The following WWOX variants were observed in gnomAD, a reference collection of about 807,000 sequenced individuals.
The protein encoded by WWOX is WW domain containing oxidoreductase.
Under a neutral mutation model 46.2 loss-of-function variants are expected in WWOX, and 69 were observed. The ratio of observed to expected loss-of-function variants is 1.49; its 90% CI spans 1.23 to 1.82. The LOEUF (loss-of-function observed/expected upper bound fraction) is 1.82, where lower values mean the gene tolerates loss of function less well. WWOX is among the 40% of genes most tolerant of loss of function. WWOX has a pLI of 0.00. For synonymous variants in WWOX, 359 were observed against 202.6 expected, an observed-to-expected ratio of 1.77 and a Z score of -6.56; for missense variants, 919 against 542.6, an observed-to-expected ratio of 1.69 and a Z score of -6.89.
chr16:78,825,711 A>G (rs1405864165), intron 8 of WWOX: 3 of 558,858 alleles, frequency 5.4e-6, no homozygotes, highest in Non-Finnish European at 6.9e-6. Flanking sequence ...CTGAGGACAG[A>G]GGGTCAAATC....
At chr16:78,189,979 G>A (rs2035832872) in intron 5 of WWOX, among the ~76,000 whole-genome samples, 1 of 152,030 alleles carries the variant, frequency 6.6e-6, no homozygotes, top group Non-Finnish European at 1.5e-5. Context: ...TTTTCCTCAA[G>A]AACTCACTTC....
In WWOX at chr16:78,459,472, A is replaced by G. The variant is rs899644338; in HGVS notation, c.1056+26720A>G. On this transcript the variant is annotated intron_variant, in intron 8 of 8. Coordinates refer to ENST00000566780, the MANE Select transcript of WWOX (RefSeq NM_016373.4). ...TATCCGTTTTCTTCCTTTTCTAACT[A>G]TCAAGGTCATGCGGTATCTGCCATT... Among the ~76,000 whole-genome samples, 9 of 152,246 alleles carry G rather than the reference A, an allele frequency of 5.9e-5. No individual in the cohort carries two copies. In the South Asian group the frequency reaches 1.4e-3, roughly 25 times the overall value.
chr16:79,021,123 G>C (rs997127958), intron 8 of WWOX, among the ~76,000 whole-genome samples: 3 of 152,106 alleles, frequency 2.0e-5, no homozygotes, highest in African/African-American at 4.8e-5. Flanking sequence ...GCCAGTACAA[G>C]GCCATTATAT....
intron 8 of WWOX, among the ~76,000 whole-genome samples, chr16:78,736,346 G>A (rs2049091617): frequency 6.6e-6 from 1 of 152,134 alleles, no homozygotes. Context: ...AAGGATGCCA[G>A]CAAAGTGAAA....
At chr16:78,738,199 A>T (rs2049134072) in intron 8 of WWOX, among the ~76,000 whole-genome samples, 1 of 152,190 alleles carries the variant, frequency 6.6e-6, no homozygotes, top group Admixed American at 6.5e-5. Flanking sequence ...TGTTACTGAG[A>T]GGAGACTGCA....
At chr16:78,549,166 C>T (rs1025869169) in intron 8 of WWOX, among the ~76,000 whole-genome samples, 14 of 152,066 alleles carry the variant, frequency 9.2e-5, no homozygotes, top group South Asian at 2.1e-4. Context: ...GAGAGATTGC[C>T]GGTCGTAAAG....
At chr16:78,628,213 G>A (rs544829163) in intron 8 of WWOX, among the ~76,000 whole-genome samples, 2 of 152,280 alleles carry the variant, frequency 1.3e-5, no homozygotes, top group Admixed American at 1.3e-4. Flanking sequence ...ATGCTACCTT[G>A]AGTGGACGGT....
intron 8 of WWOX, among the ~76,000 whole-genome samples, chr16:78,842,145 G>A (rs2052168777): frequency 6.6e-6 from 1 of 152,078 alleles, no homozygotes; most frequent in Non-Finnish European, 1.5e-5. Context: ...AGTAATCCAG[G>A]AGGAGTTCAT....
intron 8 of WWOX, among the ~76,000 whole-genome samples, chr16:78,955,082 G>C (rs554572554): frequency 6.6e-6 from 1 of 152,134 alleles, no homozygotes; most frequent in Non-Finnish European, 1.5e-5. Context: ...TTCCTGATCA[G>C]GAAACTCCGC....
intron 8 of WWOX, among the ~76,000 whole-genome samples, chr16:79,129,055 T>C (rs1483087040): frequency 2.6e-5 from 4 of 152,184 alleles, no homozygotes; most frequent in African/African-American, 9.7e-5. Flanking sequence ...CAGAACTCTG[T>C]TTCTTCTTTT....
At chr16:78,360,611 AGC>A (rs1182038303) in intron 5 of WWOX, among the ~76,000 whole-genome samples, 56 of 78,176 alleles carry the variant, frequency 7.2e-4, no homozygotes, top group African/African-American at 1.1e-3. Context: ...TTGCAGAAAT[AGC>A]AATATTTCAC....
At chr16:79,198,778 T>TA (rs2150824800) in intron 8 of WWOX, among the ~76,000 whole-genome samples, 1 of 152,360 alleles carries the variant, frequency 6.6e-6, no homozygotes, top group East Asian at 1.9e-4. Context: ...ATAAATATTG[T>TA]AAATAGTACC....
chr16:78,991,687 C>T (rs1444175385), intron 8 of WWOX, among the ~76,000 whole-genome samples: 1 of 151,838 alleles, frequency 6.6e-6, no homozygotes, highest in African/African-American at 2.4e-5. Context: ...ACCTCAGTTT[C>T]CTTTCCTATA....
chr16:78,328,682 C>G (rs1016143009), intron 5 of WWOX, among the ~76,000 whole-genome samples: 1 of 152,118 alleles, frequency 6.6e-6, no homozygotes, highest in Middle Eastern at 3.2e-3. Context: ...CTTGATAATG[C>G]TGATGTGACT....
chr16:78,627,014 G>C (rs376949625), intron 8 of WWOX, among the ~76,000 whole-genome samples: 13 of 151,860 alleles, frequency 8.6e-5, no homozygotes, highest in African/African-American at 2.9e-4. Flanking sequence ...CTTCTTTTTT[G>C]CTTTTTGTGC....
intron 8 of WWOX, among the ~76,000 whole-genome samples, chr16:78,482,501 G>A (rs1225664150): frequency 1.3e-5 from 2 of 152,158 alleles, no homozygotes; most frequent in Admixed American, 6.5e-5. Context: ...GGGATGACAG[G>A]CGTGAGCTGC....
intron 8 of WWOX, among the ~76,000 whole-genome samples, chr16:78,675,503 C>G (rs546634436): frequency 6.6e-6 from 1 of 152,096 alleles, no homozygotes; most frequent in Non-Finnish European, 1.5e-5. Flanking sequence ...TAAGCACTTA[C>G]AACTAGTGAC....
chr16:79,137,447 A>G (rs1482408008), intron 8 of WWOX, among the ~76,000 whole-genome samples: 1 of 152,206 alleles, frequency 6.6e-6, no homozygotes, highest in East Asian at 1.9e-4. Context: ...TCACTTATGA[A>G]TGTTCTAAAA....
chr16:78,450,000 TTGTTA>T (rs1448585908), intron 8 of WWOX, among the ~76,000 whole-genome samples: 1 of 152,016 alleles, frequency 6.6e-6, no homozygotes, highest in Non-Finnish European at 1.5e-5. Context: ...TGTTGTTGTT[TTGTTA>T]TGATTTTTTT....
Sources: allele counts gnomAD v4.1 joint callset (sites outside exome capture counted in the v4.1 genomes callset), GRCh38; gene constraint gnomAD v4.1.1; transcripts MANE v1.5; gene names NCBI Gene and HGNC (gene_info 2026-07-23, HGNC 2026-07-21).